The following HIKESHI variants were observed in gnomAD, a reference collection of about 807,000 sequenced individuals.
HIKESHI encodes the protein heat shock protein nuclear import factor hikeshi.
HIKESHI carries 13 observed loss-of-function variants against 25.7 expected under a neutral mutation model. The ratio of observed to expected loss-of-function variants is 0.51; its 90% confidence interval spans 0.33 to 0.80. The LOEUF (loss-of-function observed/expected upper bound fraction) is 0.80. Ranked by LOEUF, HIKESHI falls within the 30% of genes least tolerant of loss-of-function variation. The pLI, the probability that HIKESHI is intolerant of heterozygous loss-of-function variation, is 0.02. For synonymous variants in HIKESHI, 76 were observed against 78.7 expected (o/e 0.97, Z 0.18); for missense variants, 174 against 229.5 (o/e 0.76, Z 1.56).
At position 86,337,525 on chromosome 11, in the gene HIKESHI, A is replaced by T. The variant is rs557220078; in HGVS notation, c.415A>T (p.Thr139Ser). 6 of 1,611,906 alleles carry T rather than the reference A, an allele frequency of 3.7e-6. No individual in the cohort carries two copies. In the East Asian group the frequency reaches 1.3e-4, roughly 36 times the overall value. Residue 139 changes from threonine (T) to serine (S), a missense_variant, in exon 3 of 5, where the codon ACT (threonine) becomes TCT (serine). By Grantham distance (58) the Thr-to-Ser change is moderately conservative. Transcript: ENST00000278483. The part of the protein sequence containing the change: ...NAAVSSVDSF[T>S]QFTQKMLDNF... ...TGCTGTATCCTCAGTTGACTCATTC[A>T]CTCAGGTAATGCAACATACATTTCA...
At chr11:86,315,231 C>G (rs1306165013) in intron 2 of HIKESHI, among the ~76,000 whole-genome samples, 1 of 152,050 alleles carries the variant, frequency 6.6e-6, no homozygotes, top group African/African-American at 2.4e-5. Flanking sequence ...TATAGCTGAA[C>G]AGCAGTTAGT....
chr11:86,308,812 A>G (rs1435924682), intron 2 of HIKESHI, among the ~76,000 whole-genome samples: 1 of 152,008 alleles, frequency 6.6e-6, no homozygotes, highest in Non-Finnish European at 1.5e-5. Context: ...GAGTGAGAAC[A>G]TGCAGTGTTT....
At chr11:86,344,331 T>C (rs1023601792) in intron 3 of HIKESHI, 24 of 302,166 alleles carry the variant, frequency 7.9e-5, no homozygotes, top group African/African-American at 4.3e-4. Context: ...TTTTTATTCA[T>C]TTATTTAATT....
rs574239598 is a variant in HIKESHI, at chr11:86,315,369, G to A, written c.268+8887G>A. On this transcript the variant is annotated intron_variant, in intron 2 of 4. Coordinates refer to ENST00000278483, the MANE Select transcript of HIKESHI (RefSeq NM_016401.4). Reference sequence around the variant, plus strand: ...CAGTTTCGCTCTTACTGCCCAGGCTGGAGTGCAATGGCACAATCTCAGCTC... The same window carrying A: ...CAGTTTCGCTCTTACTGCCCAGGCTAGAGTGCAATGGCACAATCTCAGCTC... Among the ~76,000 whole-genome samples, 284 of 151,128 alleles carry A rather than the reference G, an allele frequency of 1.9e-3. 1 individual carries two copies. Among genetic ancestry groups the A allele is most frequent in the African/African-American group, 6.7e-3 (277 of 41,104 alleles).
chr11:86,313,145 C>T (rs1361532497), intron 2 of HIKESHI, among the ~76,000 whole-genome samples: 7 of 152,172 alleles, frequency 4.6e-5, no homozygotes, highest in South Asian at 2.1e-4. Context: ...AAACTAGATT[C>T]GGTGCCATTT....
chr11:86,323,887 A>C (rs291219), intron 2 of HIKESHI: 3 of 152,172 alleles, frequency 2.0e-5, no homozygotes, highest in Non-Finnish European at 2.9e-5. Flanking sequence ...ACAGTCTAAA[A>C]CTCAATCCCA....
At chr11:86,328,945 C>G (rs1041994010) in intron 2 of HIKESHI, among the ~76,000 whole-genome samples, 2 of 151,650 alleles carry the variant, frequency 1.3e-5, no homozygotes, top group African/African-American at 4.8e-5. Flanking sequence ...CACACACACA[C>G]ACGCTCCTCA....
chr11:86,313,961 A>G (rs924057881), intron 2 of HIKESHI, among the ~76,000 whole-genome samples: 1 of 152,216 alleles, frequency 6.6e-6, no homozygotes, highest in Non-Finnish European at 1.5e-5. Flanking sequence ...ATCAGGGTAT[A>G]TGTGAGAAAG....
At chr11:86,306,032 G>A (rs569862696) in intron 1 of HIKESHI, among the ~76,000 whole-genome samples, 6 of 152,212 alleles carry the variant, frequency 3.9e-5, no homozygotes, top group East Asian at 1.9e-4. Flanking sequence ...GGTGTGAGCC[G>A]CTGTGATCTG....
chr11:86,345,634 CAT>C lies in HIKESHI; in HGVS notation c.592_593del (p.Ter198IlefsTer2), dbSNP rs1947852029. Reference sequence around the variant, plus strand: ...GCACAGAACCCTCTCTTTTGGAAAACATAATTTGAATAAAATAATTTTTAATG... The same window carrying C: ...GCACAGAACCCTCTCTTTTGGAAAACAATTTGAATAAAATAATTTTTAATG... On this transcript the variant is annotated frameshift_variant and stop_lost, in exon 5 of 5. Coordinates refer to ENST00000278483, the MANE Select transcript of HIKESHI (RefSeq NM_016401.4). LOFTEE classifies it high-confidence loss of function. The C allele has an allele frequency of 2.0e-6, 3 of 1,535,140 alleles. No individual in the cohort carries two copies. Among genetic ancestry groups the C allele is most frequent in the African/African-American group, 1.4e-5 (1 of 72,274 alleles).
intron 2 of HIKESHI, among the ~76,000 whole-genome samples, chr11:86,317,232 A>G (rs1331591397): frequency 6.6e-6 from 1 of 152,204 alleles, no homozygotes; most frequent in Non-Finnish European, 1.5e-5. Context: ...GAGATAATTT[A>G]CTAGGAAGAC....
Position 86,345,665 on chromosome 11 carries a change from T to G in HIKESHI, c.*27T>G, listed in dbSNP as rs182936327. 220 of 1,393,788 alleles carry G rather than the reference T, an allele frequency of 1.6e-4. No individual in the cohort carries two copies. In the African/African-American group the frequency reaches 3.0e-3, roughly 19 times the overall value. The allele number at this position is 1,393,788 out of a possible 1,614,324, so 86.3% of individuals were successfully genotyped here. A position where few individuals can be genotyped will look rare whatever the true frequency, so the allele number is the denominator to read the frequency against. On this transcript the variant is annotated 3_prime_UTR_variant, in exon 5 of 5. Transcript: ENST00000278483. Reference sequence around the variant, plus strand: ...TTGAATAAAATAATTTTTAATGGATTCTGAAATTTGTCATGTTTTGAAGAT... The same window carrying G: ...TTGAATAAAATAATTTTTAATGGATGCTGAAATTTGTCATGTTTTGAAGAT...
At chr11:86,311,181 G>A (rs1484905320) in intron 2 of HIKESHI, among the ~76,000 whole-genome samples, 2 of 152,078 alleles carry the variant, frequency 1.3e-5, no homozygotes, top group Non-Finnish European at 2.9e-5. Flanking sequence ...CTGTGAATCC[G>A]TGTGGTCCTG....
intron 2 of HIKESHI, among the ~76,000 whole-genome samples, chr11:86,335,168 A>C (rs573903900): frequency 6.6e-6 from 1 of 152,318 alleles, no homozygotes; most frequent in East Asian, 1.9e-4. Context: ...AAAGAATTGT[A>C]ATTAACTTGT....
chr11:86,339,837 C>G (rs1947673227), intron 3 of HIKESHI, among the ~76,000 whole-genome samples: 1 of 152,028 alleles, frequency 6.6e-6, no homozygotes, highest in Admixed American at 6.6e-5. Context: ...TGTTGGTGTG[C>G]TGCACCTATT....
chr11:86,318,080 G>A (rs528758610), intron 2 of HIKESHI, among the ~76,000 whole-genome samples: 3 of 151,722 alleles, frequency 2.0e-5, no homozygotes, highest in African/African-American at 7.2e-5. Context: ...TGAGGCGGGC[G>A]GATCACGAGG....
intron 2 of HIKESHI, among the ~76,000 whole-genome samples, chr11:86,324,521 G>A (rs1947226847): frequency 1.3e-5 from 2 of 152,026 alleles, no homozygotes; most frequent in African/African-American, 4.8e-5. Flanking sequence ...AAATGTTTTG[G>A]GTGGTTCTTT....
rs1947823011 is a variant in HIKESHI at position 86,344,665 on chromosome 11, C to T, written c.483C>T (p.Ala161=). 1 of 1,612,288 alleles carries T rather than the reference C, an allele frequency of 6.2e-7. No individual in the cohort carries two copies. Among genetic ancestry groups the T allele is most frequent in the East Asian group, 2.2e-5 (1 of 44,820 alleles). Residue 161 remains alanine (A), a synonymous_variant, in exon 4 of 5, where the codon GCC becomes GCT. Coordinates refer to ENST00000278483, the MANE Select transcript of HIKESHI (RefSeq NM_016401.4). ...CTTCATCATTTGCTGTCTCTCAGGCCCAGATGACACCAAGCCCATCTGAAA... is the reference window on the plus strand; with the variant it reads ...CTTCATCATTTGCTGTCTCTCAGGCTCAGATGACACCAAGCCCATCTGAAA... The part of the protein sequence containing the change: ...NFASSFAVSQ[A]QMTPSPSEMF...
chr11:86,337,498 G>C lies in HIKESHI; in HGVS notation c.388G>C (p.Ala130Pro). The C allele has an allele frequency of 6.2e-7, 1 of 1,613,538 alleles. No homozygotes were observed. The highest frequency in any genetic ancestry group is 8.5e-7 in the Non-Finnish European group (1 of 1,179,840). Residue 130 changes from alanine to proline, a missense_variant, in exon 3 of 5, where the codon GCT (alanine) becomes CCT (proline). Ala to Pro is a conservative substitution (Grantham distance 27). Coordinates refer to ENST00000278483, the MANE Select transcript of HIKESHI (RefSeq NM_016401.4). ...SMAQQTPVGN[A>P]AVSSVDSFTQ... ...GGCTCAGCAGACTCCTGTAGGTAATGCTGCTGTATCCTCAGTTGACTCATT... is the reference window on the plus strand; with the variant it reads ...GGCTCAGCAGACTCCTGTAGGTAATCCTGCTGTATCCTCAGTTGACTCATT...
Sources: gnomAD v4.1 joint callset for allele counts (sites outside exome capture counted in the v4.1 genomes callset) on GRCh38, gnomAD v4.1.1 for gene constraint, MANE v1.5 for transcripts, NCBI Gene and HGNC (gene_info 2026-07-23, HGNC 2026-07-21) for gene names.